Variants in ARHGEF7 observed in about 807,000 individuals in gnomAD.
ARHGEF7 encodes PAK-interacting exchange factor beta.
A neutral mutation model predicts 109.8 loss-of-function variants in ARHGEF7; 33 were observed. The observed-to-expected ratio is 0.30, with a 90% CI of 0.23 to 0.40. The LOEUF (loss-of-function observed/expected upper bound fraction) is 0.40, where lower values mean the gene tolerates loss of function less well. ARHGEF7 is among the 10% of genes least tolerant of loss of function. The probability of loss-of-function intolerance (pLI) is 1.00; values close to 1 mark genes in which losing one functional copy is unlikely to be tolerated. For synonymous variants in ARHGEF7, 458 were observed against 424.6 expected, an observed-to-expected ratio of 1.08 and a Z score of -0.97; for missense variants, 938 against 1,098.5, an observed-to-expected ratio of 0.85 and a Z score of 2.07.
chr13:111,206,708 T>C (rs2081901257), intron 3 of ARHGEF7, among the ~76,000 whole-genome samples: 1 of 152,092 alleles, frequency 6.6e-6, no homozygotes, highest in Middle Eastern at 3.2e-3. Flanking sequence ...ATGCCTGTAA[T>C]CCCAGCACTT....
At chr13:111,175,123 T>C (rs114310131) in intron 2 of ARHGEF7, among the ~76,000 whole-genome samples, 1,758 of 152,298 alleles carry the variant, frequency 0.012, 29 homozygotes, top group African/African-American at 0.04. Flanking sequence ...TGAATATTTG[T>C]TTGTGGTAAG....
At chr13:111,275,882 C>G in intron 12 of ARHGEF7, 2 of 594,070 alleles carry the variant, frequency 3.4e-6, no homozygotes, top group South Asian at 3.9e-5. Flanking sequence ...ACTTGTTGAT[C>G]AGTTTGATCC....
Position 111,205,307 on chromosome 13 carries a change from T to G in ARHGEF7, c.271T>G (p.Leu91Val), listed in dbSNP as rs761750681. ...LRLETFDANDLYQGQNFNKVL... is the reference protein window; with the variant it reads ...LRLETFDANDVYQGQNFNKVL... ...CTTTCAGACGTTTGATGCAAATGAT[T>G]TGTATCAGGGGCAGAATTTTAACAA... The change falls in exon 3 of 22, where the codon TTG becomes GTG. Residue 91 changes from leucine to valine, a missense_variant. Leu to Val is a conservative substitution (Grantham distance 32). Coordinates refer to ENST00000646102, the MANE Select transcript of ARHGEF7 (RefSeq NM_001354046.2). The G allele has an allele frequency of 1.2e-6, 2 of 1,603,832 alleles. No individual in the cohort carries two copies. The highest frequency in any genetic ancestry group is 2.3e-5 in the East Asian group (1 of 44,428).
intron 2 of ARHGEF7, among the ~76,000 whole-genome samples, chr13:111,179,537 G>A (rs969688499): frequency 1.3e-5 from 2 of 152,082 alleles, no homozygotes; most frequent in African/African-American, 4.8e-5. Context: ...GAAATTTAAC[G>A]TTGTGTTGCC....
intron 5 of ARHGEF7, among the ~76,000 whole-genome samples, chr13:111,221,643 T>TTA (rs10533031): frequency 0.022 from 2,839 of 128,722 alleles, 110 homozygotes; most frequent in African/African-American, 0.08. Context: ...TATCTCCCCT[T>TTA]TATATATATA....
At chr13:111,254,318 A>T (rs939924142) in intron 8 of ARHGEF7, among the ~76,000 whole-genome samples, 6 of 152,264 alleles carry the variant, frequency 3.9e-5, no homozygotes, top group African/African-American at 1.4e-4. Flanking sequence ...CAGTTTTTTT[A>T]AAAATGTGAT....
chr13:111,187,401 C>T (rs2079377722), intron 2 of ARHGEF7, among the ~76,000 whole-genome samples: 1 of 152,180 alleles, frequency 6.6e-6, no homozygotes, highest in South Asian at 2.1e-4. Context: ...CTGTGGCGCA[C>T]ACTCAGGAGA....
intron 18 of ARHGEF7, among the ~76,000 whole-genome samples, chr13:111,288,648 G>C (rs2093131549): frequency 6.8e-6 from 1 of 146,162 alleles, no homozygotes; most frequent in African/African-American, 2.5e-5. Flanking sequence ...CTGAGCTGTG[G>C]GCACAATTGC....
At chr13:111,206,212 C>T (rs1165951643) in intron 3 of ARHGEF7, among the ~76,000 whole-genome samples, 3 of 151,642 alleles carry the variant, frequency 2.0e-5, no homozygotes, top group Admixed American at 6.6e-5. Context: ...GGTCGCTTCT[C>T]AGCTTCGTCT....
chr13:111,186,093 A>T (rs1313494512), intron 2 of ARHGEF7, among the ~76,000 whole-genome samples: 1 of 151,732 alleles, frequency 6.6e-6, no homozygotes, highest in African/African-American at 2.4e-5. Flanking sequence ...CGTGGTCCTA[A>T]GCAGGGAGGT....
intron 3 of ARHGEF7, 150 bp downstream of exon 3, chr13:111,205,523 G>A: frequency 1.8e-6 from 1 of 566,928 alleles, no homozygotes; most frequent in East Asian, 3.3e-5. Flanking sequence ...CTTTTGCTGT[G>A]ATATTTTATT....
Position 111,186,232 on chromosome 13 carries a change from G to C in ARHGEF7, c.253-19057G>C, listed in dbSNP as rs115613568. On this transcript the variant is annotated intron_variant, in intron 2 of 21. Coordinates refer to ENST00000646102, the MANE Select transcript of ARHGEF7 (RefSeq NM_001354046.2). Reference sequence around the variant, plus strand: ...CCTGCCTTCCCGTTGCTGTGCTCCTGCCTCCCTGCTCTGCTCCTCTCACCC... The same window carrying C: ...CCTGCCTTCCCGTTGCTGTGCTCCTCCCTCCCTGCTCTGCTCCTCTCACCC... Among the ~76,000 whole-genome samples, 580 of 152,206 alleles carry C rather than the reference G, an allele frequency of 3.8e-3. 7 individuals are homozygous for C. The highest frequency in any genetic ancestry group is 0.013 in the African/African-American group (557 of 41,504).
chr13:111,189,405 G>A lies in ARHGEF7; in HGVS notation c.253-15884G>A, dbSNP rs1210124405. On this transcript the variant is annotated intron_variant, in intron 2 of 21. Coordinates refer to ENST00000646102, the MANE Select transcript of ARHGEF7 (RefSeq NM_001354046.2). Reference sequence around the variant, plus strand: ...TCTTGCTGACTTCAGGAGTGAAGCCGCAGACCTTCGCAGTGAGTGTTACAG... The same window carrying A: ...TCTTGCTGACTTCAGGAGTGAAGCCACAGACCTTCGCAGTGAGTGTTACAG... Among the ~76,000 whole-genome samples the A allele has an allele frequency of 5.3e-5, 8 of 152,266 alleles. No individual in the cohort carries two copies. In the South Asian group the frequency reaches 6.2e-4, roughly 12 times the overall value.
intron 8 of ARHGEF7, among the ~76,000 whole-genome samples, chr13:111,256,438 A>T (rs2090432224): frequency 6.6e-6 from 1 of 152,158 alleles, no homozygotes; most frequent in Non-Finnish European, 1.5e-5. Flanking sequence ...TTCTCAGTTG[A>T]TGCAGTATGG....
intron 6 of ARHGEF7, chr13:111,241,045 T>G: frequency 8.5e-7 from 1 of 1,172,778 alleles, no homozygotes. Flanking sequence ...TGAGTCCTCT[T>G]TGTTTTGCTG....
chr13:111,195,134 G>A (rs2080341837), intron 2 of ARHGEF7, among the ~76,000 whole-genome samples: 1 of 152,158 alleles, frequency 6.6e-6, no homozygotes, highest in African/African-American at 2.4e-5. Flanking sequence ...GGCCTTAAGG[G>A]ATATTGCCTC....
chr13:111,129,275 G>T (rs1406691210), intron 1 of ARHGEF7, among the ~76,000 whole-genome samples: 1 of 152,048 alleles, frequency 6.6e-6, no homozygotes, highest in Non-Finnish European at 1.5e-5. Flanking sequence ...AAATATAAGA[G>T]AAAACATTTG....
At chr13:111,117,602 CTG>C (rs757787063) in intron 1 of ARHGEF7, among the ~76,000 whole-genome samples, 13 of 152,194 alleles carry the variant, frequency 8.5e-5, no homozygotes, top group Non-Finnish European at 1.8e-4. Context: ...TCTGAGATCC[CTG>C]TGTTTCAGAA....
intron 5 of ARHGEF7, among the ~76,000 whole-genome samples, chr13:111,224,040 A>G (rs1378376505): frequency 6.6e-6 from 1 of 152,156 alleles, no homozygotes; most frequent in African/African-American, 2.4e-5. Context: ...TATTTTTAGT[A>G]GAGACAGGGT....
Sources: gnomAD v4.1 joint callset for allele counts (sites outside exome capture counted in the v4.1 genomes callset) on GRCh38, gnomAD v4.1.1 for gene constraint, MANE v1.5 for transcripts, NCBI Gene and HGNC (gene_info 2026-07-23, HGNC 2026-07-21) for gene names.